Variants in CEP63 observed in about 807,000 individuals in gnomAD.
The protein encoded by CEP63 is centrosomal protein 63, also known as centrosomal protein of 63 kDa.
A neutral mutation model predicts 89.1 loss-of-function variants in CEP63; 84 were observed. That is an observed-to-expected ratio of 0.94 (90% CI 0.79 to 1.13). The LOEUF (loss-of-function observed/expected upper bound fraction) is 1.13, where lower values mean the gene tolerates loss of function less well. CEP63 is among the 50% of genes most tolerant of loss of function. CEP63 has a pLI of 0.00. For missense variants in CEP63, 838 were observed against 813.3 expected (o/e 1.03, Z -0.37); for synonymous variants, 267 against 272.5 (o/e 0.98, Z 0.20).
At chr3:134,629,763 G>T in the CEP63 span, 1 of 897,830 alleles carries the variant, frequency 1.1e-6, no homozygotes, top group South Asian at 1.4e-5. Context: ...CCTCATGACT[G>T]ATGATTGAAT....
chr3:134,575,065 C>A (rs1958165782), downstream of CEP63: 1 of 391,746 alleles, frequency 2.6e-6, no homozygotes, highest in Non-Finnish European at 4.5e-6. Flanking sequence ...AATTTAAAGA[C>A]TGTCACTAAA....
chr3:134,774,710 G>A, the CEP63 span, among the ~76,000 whole-genome samples: 1 of 152,264 alleles, frequency 6.6e-6, no homozygotes. Context: ...AGCCCATTTG[G>A]GTCAGTATGG....
chr3:134,519,086 A>G (rs1170704418), intron 3 of CEP63, among the ~76,000 whole-genome samples: 1 of 151,916 alleles, frequency 6.6e-6, no homozygotes, highest in Non-Finnish European at 1.5e-5. Flanking sequence ...CACAGCATAC[A>G]AGAAAGGTTG....
intron 3 of CEP63, among the ~76,000 whole-genome samples, chr3:134,520,829 A>G: frequency 6.6e-6 from 1 of 152,134 alleles, no homozygotes; most frequent in East Asian, 1.9e-4. Flanking sequence ...AATATGGGGG[A>G]AAAAGAAAGA....
the CEP63 span, among the ~76,000 whole-genome samples, chr3:134,594,776 C>T: frequency 6.6e-6 from 1 of 152,180 alleles, no homozygotes. Flanking sequence ...AGGCAATGTT[C>T]ACTTCAAAAA....
chr3:134,550,085 G>T lies in CEP63; in HGVS notation c.1205G>T (p.Gly402Val), dbSNP rs1261863246. Residue 402 changes from glycine (G) to valine (V), a missense_variant, in exon 11 of 15, where the codon GGT (glycine) becomes GTT (valine). Gly to Val is a moderately radical substitution (Grantham distance 109). Transcript: ENST00000675561. ...IKKLKEQILQ[G>V]EQSYSSALEG... ...TAGTTGAAAGAACAGATTTTACAGGGTGAACAAAGTTACAGTTCTGCACTA... is the reference window on the plus strand; with the variant it reads ...TAGTTGAAAGAACAGATTTTACAGGTTGAACAAAGTTACAGTTCTGCACTA... The T allele has an allele frequency of 6.2e-7, 1 of 1,613,696 alleles. No individual in the cohort carries two copies. Among genetic ancestry groups the T allele is most frequent in the Non-Finnish European group, 8.5e-7 (1 of 1,179,732 alleles).
At chr3:134,674,565 A>G in the CEP63 span, among the ~76,000 whole-genome samples, 3 of 152,212 alleles carry the variant, frequency 2.0e-5, no homozygotes, top group Non-Finnish European at 4.4e-5. Flanking sequence ...TGCTACTTTA[A>G]GAAGGTTCTT....
At chr3:134,560,749 G>C (rs114442424) in intron 14 of CEP63, among the ~76,000 whole-genome samples, 1 of 152,152 alleles carries the variant, frequency 6.6e-6, no homozygotes, top group Admixed American at 6.5e-5. Context: ...GTGTGTGTGT[G>C]TGTATTTGTT....
the CEP63 span, among the ~76,000 whole-genome samples, chr3:134,734,576 A>G: frequency 1.3e-5 from 2 of 152,220 alleles, no homozygotes; most frequent in African/African-American, 2.4e-5. Flanking sequence ...AGCATATACT[A>G]TGAGCAACTT....
intron 3 of CEP63, among the ~76,000 whole-genome samples, chr3:134,515,530 T>G (rs942393311): frequency 6.6e-6 from 1 of 152,218 alleles, no homozygotes; most frequent in Non-Finnish European, 1.5e-5. Context: ...AAAGTATGAT[T>G]GGAGCAGAAG....
the CEP63 span, chr3:134,603,501 C>T: frequency 1.7e-5 from 22 of 1,315,876 alleles, no homozygotes; most frequent in Admixed American, 2.3e-5. Flanking sequence ...GTGTCCAGGG[C>T]TCCCTGCACT....
At chr3:134,514,122 C>T (rs1372063741) in intron 3 of CEP63, among the ~76,000 whole-genome samples, 1 of 151,482 alleles carries the variant, frequency 6.6e-6, no homozygotes, top group African/African-American at 2.4e-5. Flanking sequence ...ATTCAAGGCA[C>T]TAAAAGATAA....
At chr3:134,697,737 T>C in the CEP63 span, among the ~76,000 whole-genome samples, 4 of 152,352 alleles carry the variant, frequency 2.6e-5, no homozygotes, top group African/African-American at 9.6e-5. Context: ...CACGTTCGTG[T>C]CAACTGTGTT....
the CEP63 span, chr3:134,607,826 G>T: frequency 4.6e-5 from 45 of 987,940 alleles, no homozygotes; most frequent in Non-Finnish European, 5.1e-5. Flanking sequence ...GAGTGGGCTG[G>T]AAACGGCTGG....
chr3:134,648,538 T>C, the CEP63 span, among the ~76,000 whole-genome samples: 2 of 152,216 alleles, frequency 1.3e-5, no homozygotes, highest in Non-Finnish European at 2.9e-5. Flanking sequence ...TACTTTCTGA[T>C]AGGAGTTGAG....
At position 134,545,636 on chromosome 3, in the gene CEP63, C is replaced by G. The variant is rs751345337; in HGVS notation, c.606C>G (p.Ser202Arg). The G allele has an allele frequency of 6.8e-6, 11 of 1,614,046 alleles. No individual in the cohort carries two copies. In the South Asian group the frequency reaches 1.2e-4, roughly 18 times the overall value. Residue 202 changes from serine to arginine, a missense_variant, in exon 7 of 15, where the codon AGC (serine) becomes AGG (arginine). By Grantham distance (110) the Ser-to-Arg change is moderately radical. Transcript: ENST00000675561. ...KQKLESVELS[S>R]QSEIQHLSSK... ...AATTAGAGTCTGTGGAACTTTCTAG[C>G]CAATCAGAAATTCAACACTTAAGCA...
At chr3:134,715,968 C>A in the CEP63 span, among the ~76,000 whole-genome samples, 1 of 151,074 alleles carries the variant, frequency 6.6e-6, no homozygotes, top group Middle Eastern at 3.4e-3. Context: ...CTTGTAGGTT[C>A]TTTCAAAGAC....
At chr3:134,648,398 C>G in the CEP63 span, among the ~76,000 whole-genome samples, 3 of 152,322 alleles carry the variant, frequency 2.0e-5, no homozygotes, top group South Asian at 2.1e-4. Context: ...ACCCTCATGA[C>G]ACACCTATGG....
In CEP63 at chr3:134,507,279, A is replaced by G. The variant is rs747148794; in HGVS notation, c.215A>G (p.His72Arg). Reference protein sequence around the residue: ...KSLRSQLDVTHKEVGMLHQQV... With the variant: ...KSLRSQLDVTRKEVGMLHQQV... ...CTTAGGAGTCAGTTGGATGTGACAC[A>G]TAAGGAGGTAAAGCAATTTATTTGT... The change falls in exon 3 of 15, where the codon CAT becomes CGT. Residue 72 changes from histidine to arginine, a missense_variant. By Grantham distance (29) the His-to-Arg change is conservative. Transcript: ENST00000675561. 1.2e-6 allele frequency: 2 copies of G among 1,610,862 alleles called. No homozygotes were observed. Among genetic ancestry groups the G allele is most frequent in the Non-Finnish European group, 8.5e-7 (1 of 1,177,532 alleles).
Sources: allele counts gnomAD v4.1 joint callset (sites outside exome capture counted in the v4.1 genomes callset), GRCh38; gene constraint gnomAD v4.1.1; transcripts MANE v1.5; gene names NCBI Gene and HGNC (gene_info 2026-07-23, HGNC 2026-07-21).